ENDOV: variants seen among roughly 807,000 people sequenced by gnomAD.
The protein encoded by ENDOV is hEndoV.
ENDOV carries 37 observed loss-of-function variants against 39.4 expected under a neutral mutation model. That is an observed-to-expected ratio of 0.94 (90% CI 0.72 to 1.23). The LOEUF (loss-of-function observed/expected upper bound fraction) is 1.23, where lower values mean the gene tolerates loss of function less well. Among genes scored for constraint, ENDOV ranks in the 50% most tolerant of loss-of-function variants. The probability of loss-of-function intolerance (pLI) is 0.00; values close to 1 mark genes in which losing one functional copy is unlikely to be tolerated. For synonymous variants in ENDOV, 186 were observed against 163.4 expected, an observed-to-expected ratio of 1.14 and a Z score of -1.05; for missense variants, 441 against 375.7, an observed-to-expected ratio of 1.17 and a Z score of -1.44.
At chr17:80,428,285 A>G (rs189687749) in intron 7 of ENDOV, among the ~76,000 whole-genome samples, 51 of 152,284 alleles carry the variant, frequency 3.3e-4, no homozygotes, top group African/African-American at 1.1e-3. Context: ...AGCAGCTCCA[A>G]CTGCCACTGG....
chr17:80,431,890 T>C (rs4424945), intron 9 of ENDOV, among the ~76,000 whole-genome samples: 120,733 of 152,020 alleles, frequency 0.79, 48,341 homozygotes, highest in African/African-American at 0.87. Flanking sequence ...GTGGGGAGAG[T>C]GTCCCCAGAG....
chr17:80,429,732 G>A lies in ENDOV; in HGVS notation c.780-41G>A, dbSNP rs145573195. ...GGGTGTGAGGGGGTGTCAGGTAGGC[G>A]CTAGCATCTGATGCTGTCCCTTTCT... On this transcript the variant is annotated intron_variant, in intron 8 of 9. Coordinates refer to ENST00000518137, the MANE Select transcript of ENDOV (RefSeq NM_173627.5). 1,247 of 1,561,572 alleles carry A rather than the reference G, an allele frequency of 8.0e-4. 4 individuals are homozygous for A. Among genetic ancestry groups the A allele is most frequent in the Middle Eastern group, 5.9e-3 (34 of 5,786 alleles).
chr17:80,424,556 C>T (rs956867116), intron 5 of ENDOV, among the ~76,000 whole-genome samples: 5 of 152,260 alleles, frequency 3.3e-5, no homozygotes, highest in African/African-American at 1.2e-4. Context: ...ACTTCACCGC[C>T]TGCACGCTCA....
chr17:80,428,926 T>G (rs2083067383), intron 8 of ENDOV, among the ~76,000 whole-genome samples: 1 of 152,202 alleles, frequency 6.6e-6, no homozygotes, highest in Admixed American at 6.5e-5. Flanking sequence ...GTCCAAGCCC[T>G]ACCTCCCAAT....
intron 9 of ENDOV, among the ~76,000 whole-genome samples, chr17:80,432,336 G>A (rs532483938): frequency 3.3e-5 from 5 of 152,218 alleles, no homozygotes; most frequent in Admixed American, 1.3e-4. Context: ...AGGGAAGGGC[G>A]TCTGCCCACC....
rs41300778 is a variant in ENDOV, at chr17:80,428,411, G to C, written c.715-185G>C. The stretch of plus-strand genomic sequence containing the variant: ...GCCATTGCGGGGCTTTGACCCCAAA[G>C]TCCCAGGCATGCCTGTCCCACACTC... On this transcript the variant is annotated intron_variant, in intron 7 of 9. Transcript: ENST00000518137. The C allele has an allele frequency of 7.1e-4, 439 of 620,220 alleles. 1 individual carries two copies. The African/African-American group carries it at 7.3e-3, about 10-fold the overall frequency. 38.4% of individuals were successfully genotyped at this position (620,220 alleles called of 1,614,324 possible). A position where few individuals can be genotyped will look rare whatever the true frequency, so the allele number is the denominator to read the frequency against.
At position 80,415,248 on chromosome 17, in the gene ENDOV, A is replaced by T. The variant is rs1408777581; in HGVS notation, c.54A>T (p.Lys18Asn). The part of the protein sequence containing the change: ...GPPEETLSLW[K>N]REQARLKAHV... ...CGGAGGAAACGCTGTCACTGTGGAA[A>T]CGGTAATGCTGTCAGGCGACGCGCA... Residue 18 changes from lysine (K) to asparagine (N), a missense_variant and splice_region_variant, in exon 1 of 10, where the codon AAA becomes AAT. Lys to Asn is a moderately conservative substitution (Grantham distance 94, BLOSUM62 0). Coordinates refer to ENST00000518137, the MANE Select transcript of ENDOV (RefSeq NM_173627.5). 2 of 1,613,394 alleles carry T rather than the reference A, an allele frequency of 1.2e-6. No homozygotes were observed. The highest frequency in any genetic ancestry group is 1.7e-6 in the Non-Finnish European group (2 of 1,179,700).
intron 5 of ENDOV, 60 bp from the exon 6 acceptor site, chr17:80,424,972 C>A: frequency 7.0e-7 from 1 of 1,428,344 alleles, no homozygotes; most frequent in South Asian, 1.2e-5. Flanking sequence ...AGAGACTTGC[C>A]TTCAGCCCTT....
chr17:80,432,652 G>A (rs2083400184), intron 9 of ENDOV, among the ~76,000 whole-genome samples: 1 of 152,138 alleles, frequency 6.6e-6, no homozygotes, highest in Non-Finnish European at 1.5e-5. Context: ...TGAGGCATAG[G>A]TGAGACCATT....
intron 9 of ENDOV, among the ~76,000 whole-genome samples, chr17:80,431,400 C>T (rs750133689): frequency 1.3e-5 from 2 of 152,146 alleles, no homozygotes; most frequent in Non-Finnish European, 2.9e-5. Context: ...GGAGCAGACT[C>T]TATTCTAGAA....
intron 1 of ENDOV, 83 bp from the exon 2 acceptor site, chr17:80,415,567 C>T (rs1250590862): frequency 8.7e-6 from 13 of 1,494,510 alleles, no homozygotes; most frequent in South Asian, 3.7e-5. Flanking sequence ...GGCAGAGGCG[C>T]TCTGTCCGCT....
chr17:80,425,646 G>GCAGCACAGGCTCCT (rs1762876815), intron 7 of ENDOV, 26 bp downstream of exon 7: 1 of 1,554,938 alleles, frequency 6.4e-7, no homozygotes, highest in Non-Finnish European at 8.6e-7. Context: ...ATGCGGGGAG[G>GCAGCACAGGCTCCT]CAGCACAGGC....
At chr17:80,419,286 AAGCAG>A in intron 2 of ENDOV, 1 of 372,006 alleles carries the variant, frequency 2.7e-6, no homozygotes, top group Non-Finnish European at 4.9e-6. Context: ...TGTGATTCTG[AAGCAG>A]AGCTGGGCTG....
intron 9 of ENDOV, chr17:80,430,264 G>A (rs576646336): frequency 8.8e-6 from 13 of 1,478,772 alleles, no homozygotes; most frequent in South Asian, 2.7e-5. Context: ...AAGGGGACTC[G>A]GAGCTGCAGC....
At chr17:80,415,864 G>A (rs1257372752) in intron 2 of ENDOV, 43 bp downstream of exon 2, 8 of 1,555,474 alleles carry the variant, frequency 5.1e-6, no homozygotes, top group Non-Finnish European at 7.0e-6. Context: ...CCCCTCGGTG[G>A]GCTCGGGCGT....
At chr17:80,434,862 C>T (rs2083511179) in intron 9 of ENDOV, among the ~76,000 whole-genome samples, 1 of 149,328 alleles carries the variant, frequency 6.7e-6, no homozygotes, top group African/African-American at 2.6e-5. Flanking sequence ...GGGAGGATCA[C>T]TTAAGCCCAG....
rs1343825523 is a variant in ENDOV, at chr17:80,438,076, ATTC to A, written c.*1937_*1939del. 1.3e-5 allele frequency: 2 copies of A among 152,134 alleles called. No individual in the cohort carries two copies. Among genetic ancestry groups the A allele is most frequent in the Middle Eastern group, 3.2e-3 (1 of 316 alleles). The allele number at this position is 152,134 out of a possible 1,614,324, so 9.4% of individuals were successfully genotyped here. A position where few individuals can be genotyped will look rare whatever the true frequency, so the allele number is the denominator to read the frequency against. ...AGACCTTTGAATAAAACTAACTTGA[ATTC>A]TTCAAAAGCTTGATTTTTTTTCTTC... On this transcript the variant is annotated 3_prime_UTR_variant, in exon 10 of 10. Coordinates refer to ENST00000518137, the MANE Select transcript of ENDOV (RefSeq NM_173627.5).
At chr17:80,423,388 T>G in intron 4 of ENDOV, 132 bp from the exon 5 acceptor site, 2 of 854,310 alleles carry the variant, frequency 2.3e-6, no homozygotes, top group Non-Finnish European at 3.5e-6. Context: ...TAGATCTGGT[T>G]TCCCCAGCCC....
intron 9 of ENDOV, among the ~76,000 whole-genome samples, chr17:80,430,745 A>G (rs892943976): frequency 3.5e-4 from 53 of 152,272 alleles, no homozygotes; most frequent in Admixed American, 1.7e-3. Flanking sequence ...GGCGGGGGCT[A>G]GGATCGGGGG....
Sources: gnomAD v4.1 joint callset for allele counts (sites outside exome capture counted in the v4.1 genomes callset) on GRCh38, gnomAD v4.1.1 for gene constraint, MANE v1.5 for transcripts, NCBI Gene and HGNC (gene_info 2026-07-23, HGNC 2026-07-21) for gene names.